SGIP1: variants seen among roughly 807,000 people sequenced by gnomAD.
SGIP1 encodes SH3-containing GRB2-like protein 3-interacting protein 1.
A neutral mutation model predicts 107.5 loss-of-function variants in SGIP1; 38 were observed. The observed-to-expected ratio is 0.35, with a 90% CI of 0.27 to 0.46. The LOEUF is 0.46. SGIP1 is among the 20% of genes least tolerant of loss of function. The pLI is 1.00. For missense variants in SGIP1, 929 were observed against 1,019.5 expected (o/e 0.91, Z 1.21); for synonymous variants, 365 against 366.1 (o/e 1.00, Z 0.03).
intron 1 of SGIP1, among the ~76,000 whole-genome samples, chr1:66,561,561 C>T (rs2058953337): frequency 6.6e-6 from 1 of 152,002 alleles, no homozygotes; most frequent in African/African-American, 2.4e-5. Context: ...GTCTACAGAG[C>T]ACTCTCATAT....
chr1:66,709,652 C>T (rs1013973954), intron 18 of SGIP1, among the ~76,000 whole-genome samples: 1 of 152,148 alleles, frequency 6.6e-6, no homozygotes, highest in South Asian at 2.1e-4. Flanking sequence ...TCTCACTCAG[C>T]AGGTCAATTG....
chr1:66,720,845 T>A (rs931273786), intron 19 of SGIP1, among the ~76,000 whole-genome samples: 1 of 152,200 alleles, frequency 6.6e-6, no homozygotes, highest in Admixed American at 6.5e-5. Flanking sequence ...AGAACTTGGA[T>A]CTCCATATAT....
Position 66,577,756 on chromosome 1 carries a change from CTGTGTGTGTGTGTGTG to C in SGIP1, c.10+43418_10+43433del, listed in dbSNP as rs6143251. ...TTAGAAGAGTGATACTAATGCAGTC[CTGTGTGTGTGTGTGTG>C]TGTGTGTGTGTGTGTGTGTGTGTGT... On this transcript the variant is annotated intron_variant, in intron 1 of 24. Transcript: ENST00000371037. 8.0e-3 allele frequency among the ~76,000 whole-genome samples: 1,157 copies of C among 145,064 alleles called. 11 individuals carry two copies. Among genetic ancestry groups the C allele is most frequent in the African/African-American group, 0.024 (963 of 39,674 alleles).
chr1:66,694,216 CTTT>C (rs5774832), intron 17 of SGIP1, among the ~76,000 whole-genome samples: 1 of 147,372 alleles, frequency 6.8e-6, no homozygotes. Flanking sequence ...TAAACCCTGG[CTTT>C]TTTTTTTTTT....
intron 7 of SGIP1, among the ~76,000 whole-genome samples, chr1:66,657,912 A>C (rs941505987): frequency 6.6e-6 from 1 of 152,170 alleles, no homozygotes; most frequent in African/African-American, 2.4e-5. Flanking sequence ...AATCGAAAAC[A>C]TCTTTGTTTT....
At chr1:66,611,586 C>T (rs1317080210) in intron 1 of SGIP1, among the ~76,000 whole-genome samples, 1 of 152,198 alleles carries the variant, frequency 6.6e-6, no homozygotes, top group Non-Finnish European at 1.5e-5. Context: ...GGTAAAGTAT[C>T]TGAGGTGACT....
chr1:66,575,131 G>A (rs140971992), intron 1 of SGIP1, among the ~76,000 whole-genome samples: 18 of 152,240 alleles, frequency 1.2e-4, no homozygotes, highest in African/African-American at 3.4e-4. Flanking sequence ...ATCACATGGT[G>A]TATAATTTTG....
Position 66,749,592 on chromosome 1 carries a change from A to G in SGIP1, c.*6497A>G, listed in dbSNP as rs1002697066. On this transcript the variant is annotated 3_prime_UTR_variant, in exon 25 of 25. Transcript: ENST00000371037. ...AAAGAATCAAACTGAATCACTTTAC[A>G]TTTCTCTAAAGATAGTTCAGTTTTT... is the stretch of plus-strand genomic sequence containing the variant. Among the ~76,000 whole-genome samples, 1 of 152,022 alleles carries G rather than the reference A, an allele frequency of 6.6e-6. No homozygotes were observed. Among genetic ancestry groups the G allele is most frequent in the African/African-American group, 2.4e-5 (1 of 41,422 alleles).
At chr1:66,616,542 C>T (rs2069363248) in intron 1 of SGIP1, among the ~76,000 whole-genome samples, 1 of 152,132 alleles carries the variant, frequency 6.6e-6, no homozygotes, top group South Asian at 2.1e-4. Flanking sequence ...TAAACTTGTC[C>T]TAGGAAGTAG....
At chr1:66,675,491 C>G (rs1369355312) in intron 12 of SGIP1, among the ~76,000 whole-genome samples, 1 of 141,628 alleles carries the variant, frequency 7.1e-6, no homozygotes, top group Non-Finnish European at 1.5e-5. Context: ...ATTGATTTTT[C>G]TTTTTCTTTC....
chr1:66,555,327 A>G (rs973188673), intron 1 of SGIP1, among the ~76,000 whole-genome samples: 11 of 152,070 alleles, frequency 7.2e-5, no homozygotes, highest in Admixed American at 1.3e-4. Context: ...AACCTATCCA[A>G]AATATATTTT....
chr1:66,603,291 A>G (rs1233439659), intron 1 of SGIP1, among the ~76,000 whole-genome samples: 1 of 152,140 alleles, frequency 6.6e-6, no homozygotes, highest in African/African-American at 2.4e-5. Context: ...TAAGCATTAG[A>G]TGTGTACTAG....
At chr1:66,558,463 C>CAA (rs2058487453) in intron 1 of SGIP1, among the ~76,000 whole-genome samples, 1 of 151,738 alleles carries the variant, frequency 6.6e-6, no homozygotes, top group Non-Finnish European at 1.5e-5. Context: ...GTATATTAGA[C>CAA]TATATATTAT....
At chr1:66,710,147 T>C (rs1395823025) in intron 18 of SGIP1, among the ~76,000 whole-genome samples, 1 of 152,110 alleles carries the variant, frequency 6.6e-6, no homozygotes, top group Non-Finnish European at 1.5e-5. Flanking sequence ...GTTTTTGCTA[T>C]CATAAAAAGT....
chr1:66,584,417 A>G (rs1268309608), intron 1 of SGIP1, among the ~76,000 whole-genome samples: 1 of 152,160 alleles, frequency 6.6e-6, no homozygotes, highest in Non-Finnish European at 1.5e-5. Flanking sequence ...CCATTGCCTA[A>G]CAGTGCAAAT....
chr1:66,750,036 G>A lies in SGIP1; in HGVS notation c.*6941G>A, dbSNP rs55975121. ...CTCTCTTTCTCTGTGTGTGTGTGGG[G>A]GTGTGTGTGTGTGTGTGTGTGTGTG... On this transcript the variant is annotated 3_prime_UTR_variant, in exon 25 of 25. Coordinates refer to ENST00000371037, the MANE Select transcript of SGIP1 (RefSeq NM_032291.4). 2.5e-5 allele frequency among the ~76,000 whole-genome samples: 3 copies of A among 119,072 alleles called. No individual in the cohort carries two copies. The highest frequency in any genetic ancestry group is 8.6e-5 in the Admixed American group (1 of 11,594). 78.1% of individuals were successfully genotyped at this position (119,072 alleles called of 152,430 possible).
At chr1:66,601,304 G>A (rs1463310521) in intron 1 of SGIP1, among the ~76,000 whole-genome samples, 5 of 152,164 alleles carry the variant, frequency 3.3e-5, no homozygotes, top group Non-Finnish European at 5.9e-5. Flanking sequence ...GGCGGAGCTT[G>A]CAGTGAGCCG....
intron 2 of SGIP1, among the ~76,000 whole-genome samples, chr1:66,632,394 G>A (rs1023122743): frequency 6.6e-6 from 1 of 152,162 alleles, no homozygotes; most frequent in African/African-American, 2.4e-5. Flanking sequence ...GAGAAATATG[G>A]AGGAAAGTAC....
rs1057493618 is a variant in SGIP1, at chr1:66,746,848, A to T, written c.*3753A>T. ...GAAGGCACCATGAAAAACCATTACCAAAATAAGGATAATTCCAATAACAAA... is the reference window on the plus strand; with the variant it reads ...GAAGGCACCATGAAAAACCATTACCTAAATAAGGATAATTCCAATAACAAA... On this transcript the variant is annotated 3_prime_UTR_variant, in exon 25 of 25. Transcript: ENST00000371037. 3 of 152,236 alleles carry T rather than the reference A, an allele frequency of 2.0e-5. No homozygotes were observed. Among genetic ancestry groups the T allele is most frequent in the Admixed American group, 6.5e-5 (1 of 15,280 alleles). 9.4% of individuals were successfully genotyped at this position (152,236 alleles called of 1,614,324 possible). A position where few individuals can be genotyped will look rare whatever the true frequency, so the allele number is the denominator to read the frequency against.
Sources: gnomAD v4.1 joint callset for allele counts (sites outside exome capture counted in the v4.1 genomes callset) on GRCh38, gnomAD v4.1.1 for gene constraint, MANE v1.5 for transcripts, NCBI Gene and HGNC (gene_info 2026-07-23, HGNC 2026-07-21) for gene names.